KHDRBS2: variants seen among roughly 807,000 people sequenced by gnomAD.
KHDRBS2 encodes KH RNA binding domain containing, signal transduction associated 2.
In KHDRBS2, 26 loss-of-function variants were observed where a neutral mutation model predicts 44.3. That is an observed-to-expected ratio of 0.59 (90% CI 0.43 to 0.81). The LOEUF is 0.81. Among genes scored for constraint, KHDRBS2 ranks in the 40% least tolerant of loss-of-function variants. KHDRBS2 has a pLI of 0.00. For missense variants in KHDRBS2, 476 were observed against 433.1 expected (o/e 1.10, Z -0.88); for synonymous variants, 194 against 151.1 (o/e 1.28, Z -2.08).
intron 6 of KHDRBS2, among the ~76,000 whole-genome samples, chr6:61,845,315 T>TG (rs1794227722): frequency 6.6e-6 from 1 of 150,462 alleles, no homozygotes; most frequent in African/African-American, 2.4e-5. Context: ...CCTTGTTTTT[T>TG]TTTTTTTTTT....
At chr6:61,861,011 A>G (rs1796878143) in intron 6 of KHDRBS2, among the ~76,000 whole-genome samples, 1 of 151,892 alleles carries the variant, frequency 6.6e-6, no homozygotes, top group African/African-American at 2.4e-5. Flanking sequence ...GTCTGCATGT[A>G]TGTCTTGAGA....
chr6:61,877,449 G>T (rs66590143), intron 6 of KHDRBS2, among the ~76,000 whole-genome samples: 64,708 of 150,274 alleles, frequency 0.43, 14,665 homozygotes, highest in African/African-American at 0.57. Flanking sequence ...TTTTGTTTTT[G>T]TTTTTGTTTT....
intron 4 of KHDRBS2, among the ~76,000 whole-genome samples, chr6:61,955,134 G>GTA (rs1424529414): frequency 1.4e-5 from 2 of 142,334 alleles, no homozygotes; most frequent in East Asian, 2.2e-4. Context: ...GTATACATAT[G>GTA]TATATACACA....
At chr6:62,095,189 C>T (rs973514597) in intron 2 of KHDRBS2, among the ~76,000 whole-genome samples, 4 of 151,322 alleles carry the variant, frequency 2.6e-5, no homozygotes, top group Non-Finnish European at 4.4e-5. Flanking sequence ...GAAAGCAATC[C>T]CTTTCACAAT....
chr6:62,219,635 C>T (rs1472855567), intron 1 of KHDRBS2, among the ~76,000 whole-genome samples: 4 of 150,846 alleles, frequency 2.7e-5, no homozygotes, highest in Non-Finnish European at 5.9e-5. Context: ...AATATGGAAT[C>T]GATATTAGAT....
At chr6:61,972,870 G>C (rs1445911407) in intron 4 of KHDRBS2, among the ~76,000 whole-genome samples, 1 of 152,164 alleles carries the variant, frequency 6.6e-6, no homozygotes, top group Non-Finnish European at 1.5e-5. Context: ...GATCAGCCAG[G>C]TGTGGCGGCT....
At chr6:61,855,591 C>T (rs1375584416) in intron 6 of KHDRBS2, among the ~76,000 whole-genome samples, 1 of 151,178 alleles carries the variant, frequency 6.6e-6, no homozygotes, top group Non-Finnish European at 1.5e-5. Context: ...TCTAGGCACA[C>T]TGCAAGGTTC....
At chr6:61,975,164 C>G (rs1342369897) in intron 4 of KHDRBS2, among the ~76,000 whole-genome samples, 2 of 152,046 alleles carry the variant, frequency 1.3e-5, no homozygotes, top group Non-Finnish European at 2.9e-5. Context: ...TAGACAATTA[C>G]AACCCTTGGA....
intron 2 of KHDRBS2, among the ~76,000 whole-genome samples, chr6:62,169,520 G>A (rs556894587): frequency 1.5e-4 from 23 of 152,074 alleles, no homozygotes; most frequent in Non-Finnish European, 2.1e-4. Context: ...TTAAGAAATC[G>A]CTTTGGGATC....
At chr6:61,581,223 C>T in the KHDRBS2 span, among the ~76,000 whole-genome samples, 1 of 151,960 alleles carries the variant, frequency 6.6e-6, no homozygotes, top group Admixed American at 6.6e-5. Context: ...TGCAAATGTG[C>T]ATGGCCATGC....
chr6:61,648,755 A>G, the KHDRBS2 span, among the ~76,000 whole-genome samples: 1 of 152,170 alleles, frequency 6.6e-6, no homozygotes, highest in Non-Finnish European at 1.5e-5. Flanking sequence ...GTAAAATATA[A>G]ATAGAAATTG....
chr6:61,948,096 C>T (rs1288570729), intron 4 of KHDRBS2, among the ~76,000 whole-genome samples: 1 of 151,802 alleles, frequency 6.6e-6, no homozygotes, highest in African/African-American at 2.4e-5. Context: ...CCTGTGAAGC[C>T]TGGCATTTTA....
chr6:61,777,292 A>G (rs1782224812), intron 6 of KHDRBS2, among the ~76,000 whole-genome samples: 1 of 151,942 alleles, frequency 6.6e-6, no homozygotes, highest in African/African-American at 2.4e-5. Flanking sequence ...GTATAATAAT[A>G]ATAAAATATA....
chr6:61,574,380 T>C, the KHDRBS2 span: 1 of 1,526,236 alleles, frequency 6.6e-7, no homozygotes, highest in Non-Finnish European at 8.8e-7. Context: ...GCAACTGACC[T>C]GCCCGTGAAG....
chr6:61,910,951 G>A (rs998002597), intron 4 of KHDRBS2, among the ~76,000 whole-genome samples: 12 of 152,168 alleles, frequency 7.9e-5, no homozygotes, highest in African/African-American at 2.4e-4. Flanking sequence ...AATAGGCGTT[G>A]ATTTAATACT....
chr6:61,978,341 A>T, intron 3 of KHDRBS2, 129 bp from the exon 4 acceptor site: 1 of 613,540 alleles, frequency 1.6e-6, no homozygotes, highest in Non-Finnish European at 2.7e-6. Flanking sequence ...ATTTTCTCAA[A>T]GAAACCCTTT....
At chr6:62,050,736 T>C (rs1440036830) in intron 2 of KHDRBS2, among the ~76,000 whole-genome samples, 3 of 151,972 alleles carry the variant, frequency 2.0e-5, no homozygotes, top group Non-Finnish European at 2.9e-5. Context: ...AGACTGGCAG[T>C]TATTTATAAA....
At chr6:62,123,144 C>T (rs771559560) in intron 2 of KHDRBS2, among the ~76,000 whole-genome samples, 4 of 152,060 alleles carry the variant, frequency 2.6e-5, no homozygotes, top group Non-Finnish European at 5.9e-5. Flanking sequence ...TGAGAACATG[C>T]GGTGTTTGGT....
chr6:61,609,863 G>A, the KHDRBS2 span, among the ~76,000 whole-genome samples: 1 of 152,090 alleles, frequency 6.6e-6, no homozygotes, highest in Non-Finnish European at 1.5e-5. Flanking sequence ...AATCTTTCAC[G>A]ATGTTCCAGT....
Sources: allele counts gnomAD v4.1 joint callset (sites outside exome capture counted in the v4.1 genomes callset), GRCh38; gene constraint gnomAD v4.1.1; transcripts MANE v1.5; gene names NCBI Gene and HGNC (gene_info 2026-07-23, HGNC 2026-07-21).